The following ME1 variants were observed in gnomAD, a reference collection of about 807,000 sequenced individuals.
ME1 encodes NADP-dependent malic enzyme.
ME1 carries 74 observed loss-of-function variants against 66.4 expected under a neutral mutation model. That is an observed-to-expected ratio of 1.11 (90% CI 0.92 to 1.35). The LOEUF is 1.35. Among genes scored for constraint, ME1 ranks in the 40% most tolerant of loss-of-function variants. ME1 has a pLI of 0.00. For missense variants in ME1, 750 were observed against 694.1 expected (o/e 1.08, Z -0.90); for synonymous variants, 251 against 235.6 (o/e 1.07, Z -0.60).
rs528995376 is a variant in ME1, at chr6:83,299,319, G to A, written c.704+15991C>T. Among the ~76,000 whole-genome samples the A allele has an allele frequency of 1.1e-4, 17 of 151,990 alleles. No individual in the cohort carries two copies. In the South Asian group the frequency reaches 2.5e-3, roughly 22 times the overall value. On this transcript the variant is annotated intron_variant, in intron 6 of 13. Transcript: ENST00000369705. Reference sequence around the variant, plus strand: ...GTAGTTCTTCCTGAAGAGGTCCTTCGCTTTCCTTGCTAGCTGTATTCCTAG... The same window carrying A: ...GTAGTTCTTCCTGAAGAGGTCCTTCACTTTCCTTGCTAGCTGTATTCCTAG...
intron 9 of ME1, among the ~76,000 whole-genome samples, chr6:83,237,227 AAAAGAAAG>A (rs71545852): frequency 0.012 from 817 of 69,020 alleles, 23 homozygotes; most frequent in South Asian, 0.022. Flanking sequence ...ACAGAGAGAG[AAAAGAAAG>A]AAAGAAAGAA....
intron 6 of ME1, among the ~76,000 whole-genome samples, chr6:83,273,282 T>C (rs968182445): frequency 2.6e-5 from 4 of 152,104 alleles, no homozygotes; most frequent in African/African-American, 9.7e-5. Context: ...AAGAAGGTTT[T>C]AATGTAACTA....
chr6:83,320,260 G>A (rs986992743), intron 5 of ME1, among the ~76,000 whole-genome samples: 2 of 152,194 alleles, frequency 1.3e-5, no homozygotes, highest in Non-Finnish European at 2.9e-5. Flanking sequence ...TAAACCTTCA[G>A]ATGTTAAGAA....
chr6:83,269,786 G>T (rs1767053562), intron 6 of ME1, among the ~76,000 whole-genome samples: 1 of 152,144 alleles, frequency 6.6e-6, no homozygotes, highest in Non-Finnish European at 1.5e-5. Context: ...GACCCAAACG[G>T]ATTTATTACA....
chr6:83,271,671 A>G (rs1156951467), intron 6 of ME1, among the ~76,000 whole-genome samples: 1 of 152,128 alleles, frequency 6.6e-6, no homozygotes, highest in Non-Finnish European at 1.5e-5. Context: ...TTAAGAAGAA[A>G]CTTGGCAATA....
intron 6 of ME1, among the ~76,000 whole-genome samples, chr6:83,266,749 T>C (rs1175195489): frequency 6.6e-6 from 1 of 152,216 alleles, no homozygotes; most frequent in Non-Finnish European, 1.5e-5. Flanking sequence ...ATTACCTGCA[T>C]GCCAATCTCT....
intron 6 of ME1, among the ~76,000 whole-genome samples, chr6:83,313,444 A>C (rs1767967135): frequency 6.6e-6 from 1 of 152,180 alleles, no homozygotes; most frequent in Non-Finnish European, 1.5e-5. Context: ...AATATTCAAA[A>C]TTTGTTCGTA....
rs754296141 is a variant in ME1 at position 83,237,276 on chromosome 6, A to AAAGAAAGAAAGAAAGG, written c.1026+440_1026+441insCCTTTCTTTCTTTCTT. Reference sequence around the variant, plus strand: ...GAAAGAAAGAAAGAAAGAAAGAAAGAAAGGAAGGAAGGAAGGAAAGAAAGA... The same window carrying AAAGAAAGAAAGAAAGG: ...GAAAGAAAGAAAGAAAGAAAGAAAGAAAGAAAGAAAGAAAGGAAGGAAGGAAGGAAGGAAAGAAAGA... On this transcript the variant is annotated intron_variant, in intron 9 of 13. Coordinates refer to ENST00000369705, the MANE Select transcript of ME1 (RefSeq NM_002395.6). Among the ~76,000 whole-genome samples the AAAGAAAGAAAGAAAGG allele has an allele frequency of 8.2e-3, 607 of 73,590 alleles. 48 individuals carry two copies. The highest frequency in any genetic ancestry group is 0.019 in the African/African-American group (319 of 16,840). 48.3% of individuals were successfully genotyped at this position (73,590 alleles called of 152,430 possible).
At position 83,239,655 on chromosome 6, in the gene ME1, A is replaced by G. The variant is rs1375736964; in HGVS notation, c.815-19T>C. 1.9e-6 allele frequency: 3 copies of G among 1,548,782 alleles called. No individual in the cohort carries two copies. The highest frequency in any genetic ancestry group is 2.7e-6 in the Non-Finnish European group (3 of 1,121,042). On this transcript the variant is annotated intron_variant, in intron 7 of 13. Transcript: ENST00000369705. ...GCTGTTCCTGAAACAAGTAATAAATATCCTTGAGTAATCCTCAAACAGATC... is the reference window on the plus strand; with the variant it reads ...GCTGTTCCTGAAACAAGTAATAAATGTCCTTGAGTAATCCTCAAACAGATC...
At chr6:83,349,883 T>C (rs1263923009) in intron 4 of ME1, among the ~76,000 whole-genome samples, 1 of 152,188 alleles carries the variant, frequency 6.6e-6, no homozygotes, top group Non-Finnish European at 1.5e-5. Context: ...AAACACCCCA[T>C]TCTCTTACCG....
In ME1 at chr6:83,289,154, T is replaced by C. The variant is rs529690124; in HGVS notation, c.704+26156A>G. Among the ~76,000 whole-genome samples the C allele has an allele frequency of 8.5e-4, 129 of 152,264 alleles. 3 individuals carry two copies. The highest frequency in any genetic ancestry group is 1.9e-4 in the East Asian group (1 of 5,170). ...AATACCCCTTATTGCTTTCTCTTGC[T>C]TGATGGCCCTGGCCAGAACTTCCAA... On this transcript the variant is annotated intron_variant, in intron 6 of 13. Coordinates refer to ENST00000369705, the MANE Select transcript of ME1 (RefSeq NM_002395.6).
intron 7 of ME1, among the ~76,000 whole-genome samples, chr6:83,251,598 A>G (rs1471538387): frequency 6.6e-6 from 1 of 152,196 alleles, no homozygotes; most frequent in Non-Finnish European, 1.5e-5. Flanking sequence ...CCAGACCCAG[A>G]AATTCAGAAG....
At chr6:83,390,269 A>T (rs1485333594) in intron 3 of ME1, among the ~76,000 whole-genome samples, 1 of 152,182 alleles carries the variant, frequency 6.6e-6, no homozygotes, top group Non-Finnish European at 1.5e-5. Context: ...CTTAATTTTC[A>T]CTATGTTCCT....
At chr6:83,397,203 G>C in intron 3 of ME1, among the ~76,000 whole-genome samples, 1 of 152,158 alleles carries the variant, frequency 6.6e-6, no homozygotes, top group Non-Finnish European at 1.5e-5. Flanking sequence ...CTATGGAATA[G>C]GAGAGAATAT....
At chr6:83,253,775 T>A (rs1420770482) in intron 6 of ME1, 37 bp from the exon 7 acceptor site, 1 of 1,017,394 alleles carries the variant, frequency 9.8e-7, no homozygotes, top group South Asian at 1.4e-5. Flanking sequence ...AAGAGGTTAA[T>A]AAAATGCTAT....
At chr6:83,366,869 G>T (rs1583403512) in intron 3 of ME1, among the ~76,000 whole-genome samples, 1 of 152,302 alleles carries the variant, frequency 6.6e-6, no homozygotes, top group East Asian at 1.9e-4. Context: ...CTCCTCCCAT[G>T]AATCACAAAA....
intron 6 of ME1, among the ~76,000 whole-genome samples, chr6:83,305,967 G>A (rs1767816441): frequency 6.6e-6 from 1 of 152,030 alleles, no homozygotes. Flanking sequence ...AAAGTAAATT[G>A]CTTTCACATG....
chr6:83,402,749 T>C (rs7750443), intron 2 of ME1, among the ~76,000 whole-genome samples: 48,234 of 151,994 alleles, frequency 0.32, 8,013 homozygotes, highest in Middle Eastern at 0.49. Context: ...CCATTGAGGA[T>C]TGAAGGTTTG....
At chr6:83,267,747 T>C (rs1767013602) in intron 6 of ME1, among the ~76,000 whole-genome samples, 1 of 152,168 alleles carries the variant, frequency 6.6e-6, no homozygotes, top group Non-Finnish European at 1.5e-5. Context: ...ACTAATATGG[T>C]CAAAAGAAAT....
Sources: allele counts gnomAD v4.1 joint callset (sites outside exome capture counted in the v4.1 genomes callset), GRCh38; gene constraint gnomAD v4.1.1; transcripts MANE v1.5; gene names NCBI Gene and HGNC (gene_info 2026-07-23, HGNC 2026-07-21).